Variants in MACF1 observed in about 807,000 individuals in gnomAD.
MACF1 encodes the protein microtubule-actin cross-linking factor 1.
In MACF1, 193 loss-of-function variants were observed where a neutral mutation model predicts 854.8. The ratio of observed to expected loss-of-function variants is 0.23; its 90% CI spans 0.20 to 0.25. The LOEUF is 0.25. MACF1 is among the 10% of genes least tolerant of loss of function. The probability of loss-of-function intolerance (pLI) is 1.00; values close to 1 mark genes in which losing one functional copy is unlikely to be tolerated. For missense variants in MACF1, 7,722 were observed against 8,929.1 expected (o/e 0.86, Z 5.45); for synonymous variants, 3,185 against 3,226.7 (o/e 0.99, Z 0.44).
intron 2 of MACF1, among the ~76,000 whole-genome samples, chr1:39,125,256 A>G (rs1366460534): frequency 2.6e-5 from 4 of 152,208 alleles, no homozygotes; most frequent in Admixed American, 6.5e-5. Context: ...AATTGGTTCA[A>G]AAGTACTTGT....
chr1:39,427,522 G>A lies in MACF1; in HGVS notation c.16384G>A (p.Asp5462Asn). 1 of 1,614,044 alleles carries A rather than the reference G, an allele frequency of 6.2e-7. No individual in the cohort carries two copies. The highest frequency in any genetic ancestry group is 8.5e-7 in the Non-Finnish European group (1 of 1,179,994). ...QFHETAEPIS[D>N]FLSVTEKKLA... is the part of the protein sequence containing the mutation. ...CCATGAGACAGCTGAGCCTATTTCT[G>A]ACTTCTTATCTGTCACAGAGAAAAA... The change falls in exon 62 of 101, where the codon GAC becomes AAC. Residue 5462 changes from aspartate to asparagine, a missense_variant. Asp to Asn is a conservative substitution (Grantham distance 23, BLOSUM62 1). Transcript: ENST00000564288.
At position 39,361,630 on chromosome 1, in the gene MACF1, G is replaced by A; in HGVS notation, c.12724G>A (p.Gly4242Arg). 1 of 1,614,190 alleles carries A rather than the reference G, an allele frequency of 6.2e-7. No homozygotes were observed. The highest frequency in any genetic ancestry group is 8.5e-7 in the Non-Finnish European group (1 of 1,180,042). Reference protein sequence around the residue: ...MENKSRMLASGNQPDQDITHF... With the variant: ...MENKSRMLASRNQPDQDITHF... ...AAACAAAAGTCGGATGCTGGCCTCT[G>A]GAAATCAGCCAGATCAAGATATTAC... Residue 4242 changes from glycine to arginine, a missense_variant, in exon 49 of 101, where the codon GGA becomes AGA. By Grantham distance (125) the Gly-to-Arg change is moderately radical. Coordinates refer to ENST00000564288, the MANE Select transcript of MACF1 (RefSeq NM_001394062.1).
At chr1:39,151,544 T>G (rs1391831696) in intron 2 of MACF1, among the ~76,000 whole-genome samples, 8 of 152,182 alleles carry the variant, frequency 5.3e-5, no homozygotes, top group African/African-American at 1.9e-4. Flanking sequence ...CTAGCCATAT[T>G]AAATTGAGTT....
intron 4 of MACF1, among the ~76,000 whole-genome samples, chr1:39,253,639 A>G (rs1645066712): frequency 6.7e-6 from 1 of 150,190 alleles, no homozygotes; most frequent in African/African-American, 2.5e-5. Context: ...TCAGCCTCCC[A>G]GATATCTGTG....
chr1:39,100,131 T>G (rs536346004), intron 2 of MACF1, among the ~76,000 whole-genome samples: 1 of 152,326 alleles, frequency 6.6e-6, no homozygotes, highest in African/African-American at 2.4e-5. Flanking sequence ...GTGGGCGCAC[T>G]GAGGCAGGAG....
rs377596511 is a variant in MACF1 at position 39,484,032 on chromosome 1, A to G, written c.22282-569A>G. Among the ~76,000 whole-genome samples, 9 of 152,366 alleles carry G rather than the reference A, an allele frequency of 5.9e-5. No homozygotes were observed. The East Asian group carries it at 1.7e-3, about 29-fold the overall frequency. On this transcript the variant is annotated intron_variant, in intron 99 of 100. Coordinates refer to ENST00000564288, the MANE Select transcript of MACF1 (RefSeq NM_001394062.1). ...GCTGGACGTGGTGGCGGGTGCCTGT[A>G]GTCCCAGCTACTTCGGAGGCTGAGG...
At chr1:39,279,874 A>G (rs966017618) in intron 6 of MACF1, among the ~76,000 whole-genome samples, 1 of 152,136 alleles carries the variant, frequency 6.6e-6, no homozygotes, top group African/African-American at 2.4e-5. Context: ...GATTGTTTTT[A>G]TACTTTTTAT....
intron 24 of MACF1, 30 bp from the exon 25 acceptor site, chr1:39,310,215 T>C (rs779072059): frequency 6.4e-7 from 1 of 1,566,598 alleles, no homozygotes; most frequent in East Asian, 2.3e-5. Context: ...TTTTATTCTG[T>C]TGCAATTTCT....
chr1:39,350,629 T>G (rs1244313255), intron 42 of MACF1, among the ~76,000 whole-genome samples, 156 bp from the exon 43 acceptor site: 1 of 152,234 alleles, frequency 6.6e-6, no homozygotes, highest in Non-Finnish European at 1.5e-5. Flanking sequence ...AAAATCAAAT[T>G]TCTTTGCATT....
chr1:39,448,864 G>C (rs1020798978), intron 84 of MACF1, 101 bp downstream of exon 84: 3 of 923,066 alleles, frequency 3.3e-6, no homozygotes, highest in Non-Finnish European at 4.8e-6. Context: ...GCATCAGTAA[G>C]AGGTTTTGTA....
At chr1:39,119,552 G>A (rs530824756) in intron 2 of MACF1, among the ~76,000 whole-genome samples, 2 of 152,144 alleles carry the variant, frequency 1.3e-5, no homozygotes, top group African/African-American at 4.8e-5. Flanking sequence ...GAGCTACTTT[G>A]CAAATGATGC....
At chr1:39,151,314 C>T (rs910164576) in intron 2 of MACF1, among the ~76,000 whole-genome samples, 3 of 152,158 alleles carry the variant, frequency 2.0e-5, no homozygotes, top group African/African-American at 7.2e-5. Context: ...TTTCTTAGTT[C>T]AGATTCTGTA....
chr1:39,413,224 C>T, intron 58 of MACF1: 2 of 1,613,128 alleles, frequency 1.2e-6, no homozygotes, highest in Non-Finnish European at 1.7e-6. Flanking sequence ...TCCAGAGGAG[C>T]CTGATACTGC....
intron 2 of MACF1, among the ~76,000 whole-genome samples, chr1:39,133,608 A>T (rs1459207692): frequency 6.6e-6 from 1 of 152,122 alleles, no homozygotes; most frequent in African/African-American, 2.4e-5. Flanking sequence ...ATTGATATAT[A>T]AAAATTGTAT....
Position 39,317,391 on chromosome 1 carries a change from G to A in MACF1, c.3766G>A (p.Ala1256Thr). Residue 1256 changes from alanine (A) to threonine (T), a missense_variant, in exon 29 of 101, where the codon GCC (alanine) becomes ACC (threonine). This residue lies in a region of MACF1 where 1,137 missense variants were observed against 1,263.0 expected (regional missense o/e 0.90). Transcript: ENST00000564288. ...GCAGGAGCGTTGGCACCGAGTCATTGCCCAGCTCGAGATTCGGTGAGTGGT... is the reference window on the plus strand; with the variant it reads ...GCAGGAGCGTTGGCACCGAGTCATTACCCAGCTCGAGATTCGGTGAGTGGT... ...QLQERWHRVI[A>T]QLEIRQSELE... The A allele has an allele frequency of 6.2e-7, 1 of 1,612,714 alleles. No homozygotes were observed. The highest frequency in any genetic ancestry group is 2.2e-5 in the East Asian group (1 of 44,884).
intron 2 of MACF1, among the ~76,000 whole-genome samples, chr1:39,102,220 A>G (rs1419266034): frequency 1.3e-5 from 2 of 152,122 alleles, no homozygotes; most frequent in East Asian, 3.9e-4. Flanking sequence ...AGAAAGAGAG[A>G]GAGAAAGAAA....
intron 2 of MACF1, among the ~76,000 whole-genome samples, chr1:39,240,229 G>A (rs1428267898): frequency 1.3e-5 from 2 of 152,202 alleles, no homozygotes; most frequent in South Asian, 2.1e-4. Context: ...GGAAATACCA[G>A]AATGAGACGG....
chr1:39,254,637 C>A, intron 5 of MACF1: 1 of 394,284 alleles, frequency 2.5e-6, no homozygotes, highest in Non-Finnish European at 4.5e-6. Context: ...TGTGGATGCA[C>A]CTTAGGTGGG....
At chr1:39,200,933 T>G (rs1644382590), upstream of MACF1, among the ~76,000 whole-genome samples, 1 of 152,062 alleles carries the variant, frequency 6.6e-6, no homozygotes, top group Admixed American at 6.6e-5. Context: ...ACAAGGAAGT[T>G]TCACTTGAAT....
Sources: allele counts gnomAD v4.1 joint callset (sites outside exome capture counted in the v4.1 genomes callset), GRCh38; gene constraint gnomAD v4.1.1; regional missense constraint gnomAD v4.1.1; transcripts MANE v1.5; gene names NCBI Gene and HGNC (gene_info 2026-07-23, HGNC 2026-07-21).